DHX38: variants seen among roughly 807,000 people sequenced by gnomAD.
DHX38 encodes pre-mRNA-splicing factor ATP-dependent RNA helicase PRP16.
In DHX38, 100 loss-of-function variants were observed where a neutral mutation model predicts 153.1. The observed-to-expected ratio is 0.65, with a 90% CI of 0.56 to 0.77. The LOEUF (loss-of-function observed/expected upper bound fraction) is 0.77. Ranked by LOEUF, DHX38 falls within the 30% of genes least tolerant of loss-of-function variation. DHX38 has a pLI of 0.00. For synonymous variants in DHX38, 650 were observed against 631.7 expected (o/e 1.03, Z -0.43); for missense variants, 1,440 against 1,654.0 (o/e 0.87, Z 2.24).
rs1362445667 is a variant in DHX38 at position 72,103,805 on chromosome 16, GC to G, written c.1824+18del. Reference sequence around the variant, plus strand: ...GGCGAGGAGGTGAGTGGGCGTGGGGGCTGAGCCATGTAGTTATTCCCTAGTA... The same window carrying G: ...GGCGAGGAGGTGAGTGGGCGTGGGGGTGAGCCATGTAGTTATTCCCTAGTA... On this transcript the variant is annotated intron_variant, in intron 13 of 26. Coordinates refer to ENST00000268482, the MANE Select transcript of DHX38 (RefSeq NM_014003.4). 1.9e-6 allele frequency: 3 copies of G among 1,606,358 alleles called. No homozygotes were observed. The highest frequency in any genetic ancestry group is 2.6e-6 in the Non-Finnish European group (3 of 1,173,576).
intron 6 of DHX38, 50 bp from the exon 7 acceptor site, chr16:72,099,154 G>T (rs377169556): frequency 1.1e-5 from 17 of 1,592,508 alleles, no homozygotes; most frequent in Admixed American, 1.7e-5. Context: ...GTCTGGGGCC[G>T]CTGGGGACAG....
chr16:72,109,142 G>A (rs915920013), intron 24 of DHX38, among the ~76,000 whole-genome samples: 5 of 152,240 alleles, frequency 3.3e-5, no homozygotes, highest in African/African-American at 9.6e-5. Context: ...GCATGGGCAC[G>A]ATTGTTCCCC....
intron 6 of DHX38, 73 bp downstream of exon 6, chr16:72,099,118 C>G (rs2042061943): frequency 1.3e-6 from 2 of 1,599,680 alleles, no homozygotes; most frequent in Admixed American, 1.7e-5. Context: ...GGCTGCCCTT[C>G]TGGAGCTGCA....
intron 3 of DHX38, 181 bp downstream of exon 3, chr16:72,097,190 C>T (rs563363299): frequency 2.2e-4 from 131 of 588,282 alleles, no homozygotes; most frequent in Non-Finnish European, 3.3e-4. Context: ...AGAGCTGTTG[C>T]CTGTAACATA....
At position 72,107,094 on chromosome 16, in the gene DHX38, G is replaced by A. The variant is rs754040569; in HGVS notation, c.2601-246G>A. On this transcript the variant is annotated intron_variant, in intron 19 of 26. Coordinates refer to ENST00000268482, the MANE Select transcript of DHX38 (RefSeq NM_014003.4). The surrounding 1 kb of genome is among the most constrained non-coding windows in gnomAD (Gnocchi z 5.3). The stretch of plus-strand genomic sequence containing the variant: ...TGAGGCAGGAGAATCGCTTAAATCC[G>A]GGAGGCAGAGGTTGGGCAACAGAGT... Among the ~76,000 whole-genome samples the A allele has an allele frequency of 1.1e-4, 16 of 152,134 alleles. No homozygotes were observed. Among genetic ancestry groups the A allele is most frequent in the East Asian group, 1.9e-4 (1 of 5,186 alleles).
Position 72,112,806 on chromosome 16 carries a change from GCTGT to G in DHX38, c.*312_*315del, listed in dbSNP as rs2042275676. 2.8e-6 allele frequency: 2 copies of G among 702,608 alleles called. No homozygotes were observed. The highest frequency in any genetic ancestry group is 2.7e-5 in the East Asian group (1 of 37,304). The allele number at this position is 702,608 out of a possible 1,614,324, so 43.5% of individuals were successfully genotyped here. A position where few individuals can be genotyped will look rare whatever the true frequency, so the allele number is the denominator to read the frequency against. On this transcript the variant is annotated 3_prime_UTR_variant, in exon 27 of 27. Coordinates refer to ENST00000268482, the MANE Select transcript of DHX38 (RefSeq NM_014003.4). ...TTGGTGTATGCGTGACTTGGCTGTGGCTGTCTTTTTTAATCCTTGTGTAAAGCAG... is the reference window on the plus strand; with the variant it reads ...TTGGTGTATGCGTGACTTGGCTGTGGCTTTTTTAATCCTTGTGTAAAGCAG...
rs2042214505 is a variant in DHX38, at chr16:72,108,525, G to A, written c.3173G>A (p.Ser1058Asn). 6 of 1,614,186 alleles carry A rather than the reference G, an allele frequency of 3.7e-6. No homozygotes were observed. The highest frequency in any genetic ancestry group is 4.2e-6 in the Non-Finnish European group (5 of 1,180,038). ...GACATCATGGTGCAGCAGCGGATGA[G>A]CCTGGCCTCGTGTGGCACTGACTGG... ...LKDIMVQQRM[S>N]LASCGTDWDI... The change falls in exon 23 of 27, where the codon AGC becomes AAC. Residue 1058 changes from serine to asparagine, a missense_variant. Ser to Asn is a conservative substitution (Grantham distance 46, BLOSUM62 1). This residue lies in a region of DHX38 where 543 missense variants were observed against 717.9 expected (regional missense o/e 0.76). Coordinates refer to ENST00000268482, the MANE Select transcript of DHX38 (RefSeq NM_014003.4).
Position 72,096,733 on chromosome 16 carries a change from G to A in DHX38, c.324-89G>A, listed in dbSNP as rs560805124. On this transcript the variant is annotated intron_variant, in intron 2 of 26. Transcript: ENST00000268482. Reference sequence around the variant, plus strand: ...GTCCCAGGGAGAGAAAGTGGAAAAGGACAGATCACTTGTTTGGACAGCCAA... The same window carrying A: ...GTCCCAGGGAGAGAAAGTGGAAAAGAACAGATCACTTGTTTGGACAGCCAA... 68 of 1,517,508 alleles carry A rather than the reference G, an allele frequency of 4.5e-5. No homozygotes were observed. In the African/African-American group the frequency reaches 7.8e-4, roughly 17 times the overall value. 94.0% of individuals were successfully genotyped at this position (1,517,508 alleles called of 1,614,324 possible). A position where few individuals can be genotyped will look rare whatever the true frequency, so the allele number is the denominator to read the frequency against.
intron 2 of DHX38, 136 bp downstream of exon 2, chr16:72,096,616 T>C: frequency 6.8e-7 from 1 of 1,476,770 alleles, no homozygotes; most frequent in South Asian, 1.4e-5. Context: ...ATACTGAAGG[T>C]AGGTAGGAAT....
chr16:72,107,328 T>C lies in DHX38; in HGVS notation c.2601-12T>C. ...TCCTTGTGGTGAGAAGATGGGGTCT[T>C]CTCCCCGGCAGGCTCTACACCCAGA... On this transcript the variant is annotated splice_polypyrimidine_tract_variant and intron_variant, in intron 19 of 26. Coordinates refer to ENST00000268482, the MANE Select transcript of DHX38 (RefSeq NM_014003.4). This position sits in a 1 kb window ranked among gnomAD's most constrained non-coding sequence, Gnocchi z 5.3. The C allele has an allele frequency of 3.8e-6, 6 of 1,599,382 alleles. No individual in the cohort carries two copies. Among genetic ancestry groups the C allele is most frequent in the Non-Finnish European group, 5.1e-6 (6 of 1,176,834 alleles).
intron 1 of DHX38, chr16:72,094,415 A>T (rs563386042): frequency 1.3e-5 from 2 of 152,120 alleles, no homozygotes; most frequent in African/African-American, 4.8e-5. Flanking sequence ...ATACCAGGCA[A>T]TCTGGTGGGC....
Position 72,101,066 on chromosome 16 carries a change from CTT to C in DHX38, c.1279-18_1279-17del. 6.2e-7 allele frequency: 1 copy of C among 1,612,834 alleles called. No homozygotes were observed. Among genetic ancestry groups the C allele is most frequent in the Non-Finnish European group, 8.5e-7 (1 of 1,178,830 alleles). ...CTTGCTGATTTTAACGGGCATCGCT[CTT>C]TCTCCCCACTGCTGCAGCCGGAGCC... is the stretch of plus-strand genomic sequence containing the variant. On this transcript the variant is annotated intron_variant, in intron 9 of 26. Coordinates refer to ENST00000268482, the MANE Select transcript of DHX38 (RefSeq NM_014003.4).
In DHX38 at chr16:72,097,237, T is replaced by C. The variant is rs900907016; in HGVS notation, c.511+228T>C. The C allele has an allele frequency of 5.7e-5, 26 of 459,946 alleles. No homozygotes were observed. In the Middle Eastern group the frequency reaches 2.8e-3, roughly 50 times the overall value. 28.5% of individuals were successfully genotyped at this position (459,946 alleles called of 1,614,324 possible). A position where few individuals can be genotyped will look rare whatever the true frequency, so the allele number is the denominator to read the frequency against. On this transcript the variant is annotated intron_variant, in intron 3 of 26. Coordinates refer to ENST00000268482, the MANE Select transcript of DHX38 (RefSeq NM_014003.4). Reference sequence around the variant, plus strand: ...TGAGTGTGTGGTCTTCGTTTTATTATGAAAATTGATGATAAAGGAGATAAT... The same window carrying C: ...TGAGTGTGTGGTCTTCGTTTTATTACGAAAATTGATGATAAAGGAGATAAT...
Position 72,109,434 on chromosome 16 carries a change from C to T in DHX38, c.3401C>T (p.Thr1134Ile), listed in dbSNP as rs777082485. The T allele has an allele frequency of 6.2e-7, 1 of 1,613,402 alleles. No homozygotes were observed. Among genetic ancestry groups the T allele is most frequent in the African/African-American group, 1.3e-5 (1 of 74,976 alleles). ...MTTKEYMQCV[T>I]AVDGEWLAEL... ...CCGCAGGAGTATATGCAGTGTGTGA[C>T]CGCTGTGGACGGGGAGTGGCTGGCG... The change falls in exon 25 of 27, where the codon ACC becomes ATC. Residue 1134 changes from threonine (T) to isoleucine (I), a missense_variant. Coordinates refer to ENST00000268482, the MANE Select transcript of DHX38 (RefSeq NM_014003.4).
chr16:72,098,407 TG>T (rs1403537650), intron 4 of DHX38, among the ~76,000 whole-genome samples: 1 of 152,106 alleles, frequency 6.6e-6, no homozygotes, highest in Non-Finnish European at 1.5e-5. Context: ...TACTCCAGCC[TG>T]GGCGACAGAG....
intron 21 of DHX38, 40 bp from the exon 22 acceptor site, chr16:72,108,187 C>G: frequency 6.2e-7 from 1 of 1,607,178 alleles, no homozygotes; most frequent in Non-Finnish European, 8.5e-7. Context: ...GGGCCTGGAC[C>G]CCCCTGTACT....
At chr16:72,101,232 A>AT (rs756503091) in intron 10 of DHX38, 39 bp downstream of exon 10, 2 of 1,609,412 alleles carry the variant, frequency 1.2e-6, no homozygotes, top group African/African-American at 1.3e-5. Context: ...GTTTATGTGT[A>AT]TTTTTTTCTT....
chr16:72,094,434 C>T (rs1017028480), intron 1 of DHX38: 18 of 152,292 alleles, frequency 1.2e-4, no homozygotes, highest in African/African-American at 4.3e-4. Flanking sequence ...GCGATCTCTT[C>T]TACTAGAATG....
At position 72,110,982 on chromosome 16, in the gene DHX38, AG is replaced by A. The variant is rs746441916; in HGVS notation, c.3505del (p.Ala1169ProfsTer48). 6.3e-7 allele frequency: 1 copy of A among 1,587,626 alleles called. No individual in the cohort carries two copies. The highest frequency in any genetic ancestry group is 8.6e-7 in the Non-Finnish European group (1 of 1,166,678). ...QENRRRAKEE[A>X]SAMEEEMALA... ...AGAACCGTCGTCGGGCCAAAGAGGA[AG>A]CCTCTGCCATGGAGGAGGAGATGGC... On this transcript the variant is annotated frameshift_variant, in exon 26 of 27. Transcript: ENST00000268482. LOFTEE classifies it high-confidence loss of function.
Sources: allele counts gnomAD v4.1 joint callset (sites outside exome capture counted in the v4.1 genomes callset), GRCh38; gene constraint gnomAD v4.1.1; regional missense constraint gnomAD v4.1.1; non-coding constraint Gnocchi (gnomAD v3.1); transcripts MANE v1.5; gene names NCBI Gene and HGNC (gene_info 2026-07-23, HGNC 2026-07-21).